VWA8: variants seen among roughly 807,000 people sequenced by gnomAD.
The protein encoded by VWA8 is von Willebrand factor A domain containing 8, also known as von Willebrand factor A domain-containing protein 8.
In VWA8, 221 loss-of-function variants were observed where a neutral mutation model predicts 241.5. The ratio of observed to expected loss-of-function variants is 0.91; its 90% confidence interval spans 0.82 to 1.02. VWA8 has a LOEUF of 1.02. Ranked by LOEUF, VWA8 falls within the 50% of genes least tolerant of loss-of-function variation. VWA8 has a pLI of 0.00. For missense variants in VWA8, 2,322 were observed against 2,328.7 expected, an observed-to-expected ratio of 1.00 and a Z score of 0.06; for synonymous variants, 852 against 827.1, an observed-to-expected ratio of 1.03 and a Z score of -0.52.
intron 16 of VWA8, among the ~76,000 whole-genome samples, chr13:41,811,861 A>C (rs1870487394): frequency 6.6e-6 from 1 of 152,192 alleles, no homozygotes; most frequent in African/African-American, 2.4e-5. Context: ...TGCTGTCAGA[A>C]TACTTTCACT....
intron 37 of VWA8, among the ~76,000 whole-genome samples, chr13:41,638,171 T>C (rs1566397518): frequency 6.6e-6 from 1 of 152,238 alleles, no homozygotes; most frequent in Admixed American, 6.5e-5. Context: ...TAACCCCTTA[T>C]GACATTTCCA....
intron 35 of VWA8, among the ~76,000 whole-genome samples, chr13:41,678,757 A>G (rs1455321181): frequency 6.6e-6 from 1 of 152,186 alleles, no homozygotes; most frequent in Admixed American, 6.5e-5. Flanking sequence ...CAATAATGAC[A>G]GTGTCTACTA....
chr13:41,818,180 C>G (rs2137983171), intron 15 of VWA8, among the ~76,000 whole-genome samples: 1 of 150,508 alleles, frequency 6.6e-6, no homozygotes, highest in African/African-American at 2.4e-5. Flanking sequence ...CCAGCCTGGT[C>G]TCGAACTCCT....
intron 37 of VWA8, among the ~76,000 whole-genome samples, chr13:41,650,827 G>A (rs999284214): frequency 6.6e-6 from 1 of 152,170 alleles, no homozygotes; most frequent in Admixed American, 6.5e-5. Flanking sequence ...TAGACAGGCT[G>A]CATCCAAGGA....
rs370640267 is a variant in VWA8, at chr13:41,571,866, C to A, written c.5371-1160G>T. 3.9e-4 allele frequency among the ~76,000 whole-genome samples: 58 copies of A among 147,202 alleles called. No individual in the cohort carries two copies. The East Asian group carries it at 0.01, about 26-fold the overall frequency. On this transcript the variant is annotated intron_variant, in intron 43 of 44. Transcript: ENST00000379310. Reference sequence around the variant, plus strand: ...GCCGCCCAGTCTGGGAAGTGAGGGGCGCCTCTTCCCGGCCGCCATCCTGTC... The same window carrying A: ...GCCGCCCAGTCTGGGAAGTGAGGGGAGCCTCTTCCCGGCCGCCATCCTGTC...
At chr13:41,787,831 A>G (rs1458316342) in intron 17 of VWA8, among the ~76,000 whole-genome samples, 3 of 152,122 alleles carry the variant, frequency 2.0e-5, no homozygotes, top group Non-Finnish European at 4.4e-5. Flanking sequence ...AAAATTTAAA[A>G]TTTGCTTTCT....
chr13:41,570,377 T>TC, intron 44 of VWA8, 91 bp downstream of exon 44: 1 of 1,156,584 alleles, frequency 8.6e-7, no homozygotes. Flanking sequence ...TGCCTCACTG[T>TC]CCCTCATGGT....
chr13:41,783,394 C>G (rs1201199065), intron 19 of VWA8, among the ~76,000 whole-genome samples: 1 of 151,836 alleles, frequency 6.6e-6, no homozygotes, highest in African/African-American at 2.4e-5. Flanking sequence ...AATACTAGCA[C>G]TTTGGGAGGC....
At chr13:41,709,635 G>A (rs1196371914) in intron 26 of VWA8, among the ~76,000 whole-genome samples, 1 of 152,042 alleles carries the variant, frequency 6.6e-6, no homozygotes, top group African/African-American at 2.4e-5. Context: ...TTATTTGCCT[G>A]GAGAATAATT....
intron 4 of VWA8, among the ~76,000 whole-genome samples, chr13:41,892,489 G>C (rs1874895060): frequency 6.6e-6 from 1 of 152,102 alleles, no homozygotes; most frequent in African/African-American, 2.4e-5. Context: ...TTCTGTGCCT[G>C]TCCATTAAAT....
rs961090230 is a variant in VWA8 at position 41,950,082 on chromosome 13, T to G, written c.164-69A>C. The stretch of plus-strand genomic sequence containing the variant: ...GAGAAAACCATAGACTATGCAACAA[T>G]GCTTGTCCTGACCTACAGAGAGGGA... On this transcript the variant is annotated intron_variant, in intron 1 of 44. Coordinates refer to ENST00000379310, the MANE Select transcript of VWA8 (RefSeq NM_015058.2). 36 of 925,514 alleles carry G rather than the reference T, an allele frequency of 3.9e-5. No homozygotes were observed. The African/African-American group carries it at 5.9e-4, about 15-fold the overall frequency. 57.3% of individuals were successfully genotyped at this position (925,514 alleles called of 1,614,324 possible).
chr13:41,758,575 TTTAAC>T (rs1180605900), intron 21 of VWA8, among the ~76,000 whole-genome samples: 1 of 149,036 alleles, frequency 6.7e-6, no homozygotes, highest in Admixed American at 6.7e-5. Context: ...TATGACCTTG[TTTAAC>T]TTATTAGTTC....
At chr13:41,793,609 C>T (rs942692720) in intron 17 of VWA8, among the ~76,000 whole-genome samples, 3 of 152,060 alleles carry the variant, frequency 2.0e-5, no homozygotes, top group Non-Finnish European at 2.9e-5. Context: ...GTCAAGAGAT[C>T]GAGACCATCC....
At chr13:41,782,601 T>TA (rs1732985552) in intron 19 of VWA8, among the ~76,000 whole-genome samples, 1 of 152,110 alleles carries the variant, frequency 6.6e-6, no homozygotes, top group South Asian at 2.1e-4. Context: ...ATAAAATGAA[T>TA]AAAAATCAAA....
intron 2 of VWA8, among the ~76,000 whole-genome samples, chr13:41,947,392 C>T (rs148086634): frequency 2.5e-3 from 378 of 152,188 alleles, no homozygotes; most frequent in Middle Eastern, 0.01. Context: ...TAAGGATGGA[C>T]CTTTGTTCCC....
chr13:41,883,414 C>G lies in VWA8; in HGVS notation c.1053G>C (p.Gly351=), dbSNP rs748390205. The stretch of plus-strand genomic sequence containing the variant: ...TTAAAACACCTTCCACAGCCATCTT[C>G]CCTTCATGACCTAGTAAAATACTAT... ...YPYSILLGHE[G]KMAVEGVLKR... The change falls in exon 9 of 45, where the codon GGG becomes GGC. Residue 351 remains glycine, a synonymous_variant. Coordinates refer to ENST00000379310, the MANE Select transcript of VWA8 (RefSeq NM_015058.2). 6 of 1,613,340 alleles carry G rather than the reference C, an allele frequency of 3.7e-6. No homozygotes were observed. The highest frequency in any genetic ancestry group is 5.1e-6 in the Non-Finnish European group (6 of 1,179,476).
chr13:41,960,606 T>C (rs1372268307), intron 1 of VWA8, among the ~76,000 whole-genome samples: 2 of 152,130 alleles, frequency 1.3e-5, no homozygotes, highest in Non-Finnish European at 2.9e-5. Flanking sequence ...CTCTTCTAGG[T>C]CATCAGAAAC....
intron 20 of VWA8, among the ~76,000 whole-genome samples, chr13:41,773,203 A>C (rs1163921233): frequency 6.6e-6 from 1 of 152,336 alleles, no homozygotes. Flanking sequence ...GACTGAAAAC[A>C]CCAGTGACAC....
intron 4 of VWA8, among the ~76,000 whole-genome samples, chr13:41,892,376 A>G (rs1234646512): frequency 6.6e-6 from 1 of 152,172 alleles, no homozygotes; most frequent in Non-Finnish European, 1.5e-5. Context: ...TCAACCACAG[A>G]CAGAGGATTA....
Sources: gnomAD v4.1 joint callset for allele counts (sites outside exome capture counted in the v4.1 genomes callset) on GRCh38, gnomAD v4.1.1 for gene constraint, MANE v1.5 for transcripts, NCBI Gene and HGNC (gene_info 2026-07-23, HGNC 2026-07-21) for gene names.